Variants in DLGAP1 observed in about 807,000 individuals in gnomAD.
The protein encoded by DLGAP1 is DLG associated protein 1.
In DLGAP1, 11 loss-of-function variants were observed where a neutral mutation model predicts 90.8. That is an observed-to-expected ratio of 0.12 (90% CI 0.08 to 0.20). The LOEUF (loss-of-function observed/expected upper bound fraction) is 0.20. DLGAP1 is among the 10% of genes least tolerant of loss of function. The probability of loss-of-function intolerance (pLI) is 1.00; values close to 1 mark genes in which losing one functional copy is unlikely to be tolerated. For synonymous variants in DLGAP1, 558 were observed against 540.7 expected (o/e 1.03, Z -0.44); for missense variants, 1,050 against 1,333.8 (o/e 0.79, Z 3.31).
intron 1 of DLGAP1, among the ~76,000 whole-genome samples, chr18:4,423,247 G>GT (rs2083081150): frequency 6.6e-6 from 1 of 152,092 alleles, no homozygotes; most frequent in Admixed American, 6.5e-5. Context: ...TCCTGTTAGA[G>GT]TTTTATGGAG....
intron 1 of DLGAP1, among the ~76,000 whole-genome samples, chr18:4,213,134 T>C (rs2077881621): frequency 1.3e-5 from 2 of 152,202 alleles, no homozygotes; most frequent in Non-Finnish European, 2.9e-5. Context: ...ATTAATGAGA[T>C]ACAGTCTCTG....
intron 2 of DLGAP1, among the ~76,000 whole-genome samples, chr18:4,030,144 A>ACC: frequency 6.6e-6 from 1 of 152,106 alleles, no homozygotes; most frequent in African/African-American, 2.4e-5. Context: ...AGGCATGTGC[A>ACC]ACCATGCCTG....
chr18:3,669,337 C>A (rs1018418986), intron 7 of DLGAP1, among the ~76,000 whole-genome samples: 2 of 152,070 alleles, frequency 1.3e-5, no homozygotes, highest in Non-Finnish European at 2.9e-5. Context: ...GCTCTACCCC[C>A]ACGGACCTAG....
At chr18:4,224,495 G>C (rs927087473) in intron 1 of DLGAP1, among the ~76,000 whole-genome samples, 2 of 152,114 alleles carry the variant, frequency 1.3e-5, no homozygotes, top group Non-Finnish European at 2.9e-5. Flanking sequence ...TTTCAGGCCT[G>C]ACCACATTTG....
chr18:4,203,806 C>T lies in DLGAP1; in HGVS notation c.-266-52519G>A, dbSNP rs182105874. Among the ~76,000 whole-genome samples, 67 of 152,284 alleles carry T rather than the reference C, an allele frequency of 4.4e-4. 1 individual carries two copies. The South Asian group carries it at 0.012, about 26-fold the overall frequency. Reference sequence around the variant, plus strand: ...ATGCAGAAATATACACATCTAATTACAGCACAACTCAGTAAGTTCAGTAAT... The same window carrying T: ...ATGCAGAAATATACACATCTAATTATAGCACAACTCAGTAAGTTCAGTAAT... On this transcript the variant is annotated intron_variant, in intron 1 of 12. Transcript: ENST00000315677.
At chr18:4,175,188 T>C (rs1163686461) in intron 1 of DLGAP1, among the ~76,000 whole-genome samples, 1 of 152,246 alleles carries the variant, frequency 6.6e-6, no homozygotes, top group African/African-American at 2.4e-5. Context: ...GATGAGCTTT[T>C]TTTCATACAT....
intron 3 of DLGAP1, among the ~76,000 whole-genome samples, chr18:3,975,456 T>C (rs2073551045): frequency 6.6e-6 from 1 of 152,114 alleles, no homozygotes; most frequent in African/African-American, 2.4e-5. Flanking sequence ...AAAGTGAGTG[T>C]TGGCAAAGAT....
At chr18:4,097,494 T>C (rs1349165666) in intron 2 of DLGAP1, among the ~76,000 whole-genome samples, 1 of 152,220 alleles carries the variant, frequency 6.6e-6, no homozygotes, top group Non-Finnish European at 1.5e-5. Context: ...GTGGATGTAG[T>C]CATCCTCCAT....
At chr18:4,398,988 C>A (rs146234550) in intron 1 of DLGAP1, among the ~76,000 whole-genome samples, 1 of 152,094 alleles carries the variant, frequency 6.6e-6, no homozygotes, top group Non-Finnish European at 1.5e-5. Flanking sequence ...CGCACCACTA[C>A]GCCTGGTTAA....
intron 1 of DLGAP1, among the ~76,000 whole-genome samples, chr18:4,426,535 G>T (rs920204068): frequency 1.3e-5 from 2 of 152,158 alleles, no homozygotes; most frequent in African/African-American, 4.8e-5. Flanking sequence ...TAAGAATGGT[G>T]GGTCAGGAGC....
intron 2 of DLGAP1, among the ~76,000 whole-genome samples, chr18:4,085,376 T>G (rs2075667836): frequency 6.6e-6 from 1 of 152,152 alleles, no homozygotes; most frequent in South Asian, 2.1e-4. Context: ...TGCTTCCTTT[T>G]CAGCAAAACC....
At chr18:3,940,816 CCTCT>C (rs1401713865) in intron 3 of DLGAP1, among the ~76,000 whole-genome samples, 4 of 152,180 alleles carry the variant, frequency 2.6e-5, no homozygotes, top group African/African-American at 9.7e-5. Flanking sequence ...TTTTCTCTTT[CCTCT>C]CTTTACAACC....
At chr18:3,756,657 G>A (rs187060111) in intron 5 of DLGAP1, among the ~76,000 whole-genome samples, 270 of 151,742 alleles carry the variant, frequency 1.8e-3, no homozygotes, top group Non-Finnish European at 3.4e-3. Context: ...AAAGAAAAAC[G>A]AATTAGTTGT....
chr18:4,361,326 T>C (rs1017248238), intron 1 of DLGAP1, among the ~76,000 whole-genome samples: 3 of 151,930 alleles, frequency 2.0e-5, no homozygotes, highest in Non-Finnish European at 4.4e-5. Context: ...AGAAGAAAAA[T>C]ATGGAGAACT....
intron 1 of DLGAP1, among the ~76,000 whole-genome samples, chr18:4,337,199 T>C (rs1403386858): frequency 6.8e-6 from 1 of 147,586 alleles, no homozygotes; most frequent in Non-Finnish European, 1.5e-5. Context: ...TTGGCTTTTT[T>C]TTTTTTTTTT....
At chr18:4,316,142 T>C (rs1336755144) in intron 1 of DLGAP1, among the ~76,000 whole-genome samples, 1 of 152,210 alleles carries the variant, frequency 6.6e-6, no homozygotes, top group Admixed American at 6.5e-5. Flanking sequence ...AGCCTATTTC[T>C]TAAGCCCAAC....
At chr18:3,717,318 C>A (rs73370531) in intron 7 of DLGAP1, among the ~76,000 whole-genome samples, 39,144 of 151,602 alleles carry the variant, frequency 0.26, 5,554 homozygotes, top group East Asian at 0.45. Context: ...TTGTATTAGC[C>A]CCACTTAGTT....
intron 11 of DLGAP1, among the ~76,000 whole-genome samples, chr18:3,503,446 T>C (rs1441843914): frequency 6.6e-6 from 1 of 152,224 alleles, no homozygotes; most frequent in Non-Finnish European, 1.5e-5. Context: ...TGAATTTATA[T>C]GCCCTAAGAC....
intron 2 of DLGAP1, among the ~76,000 whole-genome samples, chr18:4,047,995 C>T (rs1332059695): frequency 6.6e-6 from 1 of 152,026 alleles, no homozygotes; most frequent in African/African-American, 2.4e-5. Flanking sequence ...GACGGGGTCT[C>T]ACTACACTGC....
Sources: gnomAD v4.1 joint callset for allele counts (sites outside exome capture counted in the v4.1 genomes callset) on GRCh38, gnomAD v4.1.1 for gene constraint, MANE v1.5 for transcripts, NCBI Gene and HGNC (gene_info 2026-07-23, HGNC 2026-07-21) for gene names.